ATRN: variants seen among roughly 807,000 people sequenced by gnomAD.
ATRN encodes attractin.
In ATRN, 54 loss-of-function variants were observed where a neutral mutation model predicts 178.7. That is an observed-to-expected ratio of 0.30 (90% confidence interval 0.24 to 0.38). The LOEUF (loss-of-function observed/expected upper bound fraction) is 0.38, where lower values mean the gene tolerates loss of function less well. Ranked by LOEUF, ATRN falls within the 10% of genes least tolerant of loss-of-function variation. ATRN has a pLI of 1.00. For missense variants in ATRN, 1,443 were observed against 1,815.1 expected (o/e 0.79, Z 3.73); for synonymous variants, 636 against 663.0 (o/e 0.96, Z 0.63).
chr20:3,482,904 A>G (rs981933507), intron 1 of ATRN, among the ~76,000 whole-genome samples: 4 of 152,174 alleles, frequency 2.6e-5, no homozygotes, highest in African/African-American at 7.2e-5. Context: ...AAGCCTATGG[A>G]AGAGATGCGA....
At chr20:3,508,225 G>A (rs1239327651) in intron 1 of ATRN, among the ~76,000 whole-genome samples, 2 of 150,834 alleles carry the variant, frequency 1.3e-5, no homozygotes, top group Admixed American at 1.3e-4. Flanking sequence ...AAAAAGCAAG[G>A]ACAAGACTGA....
intron 1 of ATRN, among the ~76,000 whole-genome samples, chr20:3,497,731 C>G (rs1299806394): frequency 6.6e-6 from 1 of 152,108 alleles, no homozygotes. Flanking sequence ...TGGGGAAGTT[C>G]TCCTGGATAA....
At chr20:3,556,180 C>G (rs894103528) in intron 6 of ATRN, among the ~76,000 whole-genome samples, 2 of 152,078 alleles carry the variant, frequency 1.3e-5, no homozygotes, top group African/African-American at 4.8e-5. Flanking sequence ...AGAAGGTGAT[C>G]AAATAGAACT....
chr20:3,609,116 G>A (rs979631359), intron 24 of ATRN, among the ~76,000 whole-genome samples: 3 of 152,098 alleles, frequency 2.0e-5, no homozygotes, highest in African/African-American at 7.2e-5. Flanking sequence ...GCTTTTGGTA[G>A]TATGGTTTTT....
chr20:3,554,090 T>C (rs1413244019), intron 6 of ATRN, among the ~76,000 whole-genome samples: 1 of 152,136 alleles, frequency 6.6e-6, no homozygotes, highest in Non-Finnish European at 1.5e-5. Flanking sequence ...CTGGAAATAT[T>C]AATATCACCT....
chr20:3,601,184 C>G (rs2086603215), intron 23 of ATRN, among the ~76,000 whole-genome samples, 160 bp downstream of exon 23: 1 of 152,206 alleles, frequency 6.6e-6, no homozygotes, highest in Non-Finnish European at 1.5e-5. Flanking sequence ...AAATCCCTCT[C>G]TAAACCTTAG....
intron 10 of ATRN, among the ~76,000 whole-genome samples, chr20:3,565,005 C>A (rs979966716): frequency 1.3e-5 from 2 of 152,216 alleles, no homozygotes; most frequent in African/African-American, 4.8e-5. Flanking sequence ...GAGGAGCTTG[C>A]AGTGAGCTGA....
chr20:3,584,361 T>C (rs2086325897), intron 17 of ATRN, among the ~76,000 whole-genome samples: 1 of 152,198 alleles, frequency 6.6e-6, no homozygotes, highest in South Asian at 2.1e-4. Flanking sequence ...CCATGTAATA[T>C]CTCCATATCT....
intron 6 of ATRN, among the ~76,000 whole-genome samples, chr20:3,557,161 A>C (rs955860118): frequency 5.9e-5 from 9 of 152,270 alleles, no homozygotes; most frequent in African/African-American, 9.6e-5. Context: ...TATGCAGTCC[A>C]TTTTATAAAA....
intron 6 of ATRN, among the ~76,000 whole-genome samples, chr20:3,553,095 G>A (rs769142085): frequency 1.1e-4 from 16 of 152,086 alleles, no homozygotes; most frequent in South Asian, 4.1e-4. Flanking sequence ...TGACACGATA[G>A]GTCATATCTT....
Position 3,563,343 on chromosome 20 carries a change from A to G in ATRN, c.1766A>G (p.Asp589Gly). 6.2e-7 allele frequency: 1 copy of G among 1,614,030 alleles called. No homozygotes were observed. Among genetic ancestry groups the G allele is most frequent in the Non-Finnish European group, 8.5e-7 (1 of 1,179,952 alleles). Reference sequence around the variant, plus strand: ...CATGGCGCCAAATGCTTCTCTTCAGATTTCATGGCCTATGACATTGGTAAG... The same window carrying G: ...CATGGCGCCAAATGCTTCTCTTCAGGTTTCATGGCCTATGACATTGGTAAG... ...MSHGAKCFSS[D>G]FMAYDIACDR... Residue 589 changes from aspartate (D) to glycine (G), a missense_variant, in exon 10 of 29, where the codon GAT (aspartate) becomes GGT (glycine). Asp to Gly is a moderately conservative substitution (Grantham distance 94, BLOSUM62 -1). This residue lies in a region of ATRN where 862 missense variants were observed against 972.1 expected (regional missense o/e 0.89). Coordinates refer to ENST00000262919, the MANE Select transcript of ATRN (RefSeq NM_139321.3).
At chr20:3,546,883 A>G (rs1423516054) in intron 4 of ATRN, among the ~76,000 whole-genome samples, 1 of 152,164 alleles carries the variant, frequency 6.6e-6, no homozygotes, top group African/African-American at 2.4e-5. Context: ...AGTTTGTTTT[A>G]TTCTTTTCCT....
Position 3,638,514 on chromosome 20 carries a change from C to A in ATRN, c.3943-314C>A, listed in dbSNP as rs1425433660. On this transcript the variant is annotated intron_variant, in intron 26 of 28. Transcript: ENST00000262919. This position sits in a 1 kb window ranked among gnomAD's most constrained non-coding sequence, Gnocchi z 4.5. ...CCATGGTGTATATGTGCCATGTTTTCTTTATCCAGTCTATCATTGATGGGC... is the reference window on the plus strand; with the variant it reads ...CCATGGTGTATATGTGCCATGTTTTATTTATCCAGTCTATCATTGATGGGC... Among the ~76,000 whole-genome samples, 3 of 152,144 alleles carry A rather than the reference C, an allele frequency of 2.0e-5. No homozygotes were observed. The highest frequency in any genetic ancestry group is 4.4e-5 in the Non-Finnish European group (3 of 68,026).
At chr20:3,501,735 G>C (rs949443551) in intron 1 of ATRN, among the ~76,000 whole-genome samples, 1 of 152,182 alleles carries the variant, frequency 6.6e-6, no homozygotes, top group Non-Finnish European at 1.5e-5. Context: ...TTTTCCCTTG[G>C]GGGGACTGGC....
intron 1 of ATRN, among the ~76,000 whole-genome samples, chr20:3,504,702 T>C (rs1446749202): frequency 1.1e-5 from 1 of 87,458 alleles, no homozygotes; most frequent in Non-Finnish European, 2.4e-5. Flanking sequence ...ATAATAATAA[T>C]AATAATAATA....
chr20:3,528,476 G>A (rs1257996418), intron 1 of ATRN, among the ~76,000 whole-genome samples: 1 of 152,060 alleles, frequency 6.6e-6, no homozygotes, highest in East Asian at 1.9e-4. Flanking sequence ...TATTCTAAGT[G>A]AATTAATGCA....
chr20:3,573,820 A>G (rs935113735), intron 12 of ATRN, among the ~76,000 whole-genome samples: 1 of 151,928 alleles, frequency 6.6e-6, no homozygotes, highest in Non-Finnish European at 1.5e-5. Flanking sequence ...GCTGGAGTAC[A>G]GCAGCGTGAT....
At chr20:3,588,506 C>T (rs2086389762) in intron 18 of ATRN, among the ~76,000 whole-genome samples, 2 of 152,096 alleles carry the variant, frequency 1.3e-5, no homozygotes, top group South Asian at 2.1e-4. Flanking sequence ...ACCAGTTTTG[C>T]ATTCCTGGGA....
At chr20:3,554,132 G>A (rs1353123756) in intron 6 of ATRN, among the ~76,000 whole-genome samples, 2 of 151,848 alleles carry the variant, frequency 1.3e-5, no homozygotes, top group African/African-American at 4.8e-5. Flanking sequence ...TACTTCATGA[G>A]CCACATTGTT....
Sources: allele counts gnomAD v4.1 joint callset (sites outside exome capture counted in the v4.1 genomes callset), GRCh38; gene constraint gnomAD v4.1.1; regional missense constraint gnomAD v4.1.1; non-coding constraint Gnocchi (gnomAD v3.1); transcripts MANE v1.5; gene names NCBI Gene and HGNC (gene_info 2026-07-23, HGNC 2026-07-21).